The following DIAPH1 variants were observed in gnomAD, a reference collection of about 807,000 sequenced individuals.
The protein encoded by DIAPH1 is diaphanous related formin 1, also known as protein diaphanous homolog 1.
DIAPH1 carries 46 observed loss-of-function variants against 140.7 expected under a neutral mutation model. The observed-to-expected ratio is 0.33, with a 90% confidence interval of 0.26 to 0.42. DIAPH1 has a LOEUF of 0.42. Ranked by LOEUF, DIAPH1 falls within the 10% of genes least tolerant of loss-of-function variation. The pLI is 1.00. For missense variants in DIAPH1, 1,310 were observed against 1,558.7 expected (o/e 0.84, Z 2.69); for synonymous variants, 565 against 551.6 (o/e 1.02, Z -0.34).
At chr5:141,618,128 A>G (rs903574133) in intron 1 of DIAPH1, among the ~76,000 whole-genome samples, 2 of 152,234 alleles carry the variant, frequency 1.3e-5, no homozygotes, top group Non-Finnish European at 2.9e-5. Flanking sequence ...GGTTCTCTGG[A>G]GAGAGGAATA....
rs898548601 is a variant in DIAPH1, at chr5:141,522,555, T to C, written c.3661+1588A>G. Among the ~76,000 whole-genome samples the C allele has an allele frequency of 1.2e-4, 16 of 135,046 alleles. No individual in the cohort carries two copies. In the Admixed American group the frequency reaches 1.2e-3, roughly 11 times the overall value. 88.6% of individuals were successfully genotyped at this position (135,046 alleles called of 152,430 possible). A position where few individuals can be genotyped will look rare whatever the true frequency, so the allele number is the denominator to read the frequency against. Reference sequence around the variant, plus strand: ...AGGGAATTCCCCACCAAAATTCTGATGCAGGCACTTAGCCGACGGGGTCAA... The same window carrying C: ...AGGGAATTCCCCACCAAAATTCTGACGCAGGCACTTAGCCGACGGGGTCAA... On this transcript the variant is annotated intron_variant, in intron 27 of 27. Transcript: ENST00000389054.
At chr5:141,558,905 T>C (rs2099893079) in intron 18 of DIAPH1, among the ~76,000 whole-genome samples, 1 of 93,818 alleles carries the variant, frequency 1.1e-5, no homozygotes, top group African/African-American at 4.5e-5. Context: ...TGCACAAAAA[T>C]CACAAGTTGT....
intron 1 of DIAPH1, 117 bp downstream of exon 1, chr5:141,618,681 A>G: frequency 3.0e-6 from 2 of 664,660 alleles, no homozygotes; most frequent in South Asian, 3.5e-5. Flanking sequence ...GAGCGAAACG[A>G]GGAAGGAAGG....
chr5:141,604,579 C>G (rs2099900643), intron 1 of DIAPH1, among the ~76,000 whole-genome samples: 1 of 152,138 alleles, frequency 6.6e-6, no homozygotes, highest in South Asian at 2.1e-4. Flanking sequence ...TGTGACACAC[C>G]CAAAGCCTAG....
intron 1 of DIAPH1, among the ~76,000 whole-genome samples, chr5:141,596,072 G>A (rs1415794292): frequency 6.6e-6 from 1 of 152,174 alleles, no homozygotes; most frequent in Non-Finnish European, 1.5e-5. Flanking sequence ...GCTCACGCCT[G>A]TAATCCCAGC....
intron 23 of DIAPH1, 134 bp downstream of exon 23, chr5:141,528,319 G>T: frequency 7.9e-7 from 1 of 1,270,918 alleles, no homozygotes; most frequent in Non-Finnish European, 1.1e-6. Flanking sequence ...TGTGACTTAG[G>T]CACCATGCCT....
intron 19 of DIAPH1, among the ~76,000 whole-genome samples, chr5:141,530,540 C>T (rs761782694): frequency 7.9e-5 from 12 of 152,182 alleles, no homozygotes; most frequent in Non-Finnish European, 1.2e-4. Context: ...GGGGCCTCCG[C>T]GCTGTTAGCA....
At chr5:141,561,503 T>G (rs2099893530) in intron 18 of DIAPH1, among the ~76,000 whole-genome samples, 1 of 149,750 alleles carries the variant, frequency 6.7e-6, no homozygotes, top group South Asian at 2.1e-4. Flanking sequence ...CAAGTACTTC[T>G]AGAAATCTAG....
rs2099896397 is a variant in DIAPH1 at position 141,579,273 on chromosome 5, G to C, written c.825-77C>G. On this transcript the variant is annotated intron_variant, in intron 8 of 27. Coordinates refer to ENST00000389054, the MANE Select transcript of DIAPH1 (RefSeq NM_005219.5). Reference sequence around the variant, plus strand: ...CACGTATAATGAGTAAATTACACAGGGGCACAGACCGATTAGGAAACAGGA... The same window carrying C: ...CACGTATAATGAGTAAATTACACAGCGGCACAGACCGATTAGGAAACAGGA... 3 of 1,029,484 alleles carry C rather than the reference G, an allele frequency of 2.9e-6. No homozygotes were observed. The African/African-American group carries it at 4.7e-5, about 16-fold the overall frequency. 63.8% of individuals were successfully genotyped at this position (1,029,484 alleles called of 1,614,324 possible). A position where few individuals can be genotyped will look rare whatever the true frequency, so the allele number is the denominator to read the frequency against.
chr5:141,610,799 G>C (rs1298356324), intron 1 of DIAPH1, among the ~76,000 whole-genome samples: 1 of 151,856 alleles, frequency 6.6e-6, no homozygotes, highest in East Asian at 1.9e-4. Flanking sequence ...AATTAGGCCA[G>C]GTGCAGTGAC....
In DIAPH1 at chr5:141,524,150, G is replaced by C. The variant is rs1394615287; in HGVS notation, c.3654C>G (p.Pro1218=). ...SGAAFRRKRG[P]RQANRKAGCA... is the part of the protein sequence containing the mutation. ...CTCCATGTGCTTACTTACCTTGACG[G>C]GGCCCTCTCTTCCGTCGGAATGCTG... The change falls in exon 27 of 28, where the codon CCC becomes CCG. Residue 1218 remains proline (P), a synonymous_variant. Transcript: ENST00000389054. 1 of 1,614,026 alleles carries C rather than the reference G, an allele frequency of 6.2e-7. No homozygotes were observed. The highest frequency in any genetic ancestry group is 1.7e-5 in the Admixed American group (1 of 60,022).
At chr5:141,613,391 C>G (rs1342597955) in intron 1 of DIAPH1, among the ~76,000 whole-genome samples, 2 of 152,182 alleles carry the variant, frequency 1.3e-5, no homozygotes, top group African/African-American at 4.8e-5. Context: ...TCTCTTTCTA[C>G]TACTCCAGCC....
At chr5:141,525,621 G>C (rs761574343) in intron 26 of DIAPH1, among the ~76,000 whole-genome samples, 2 of 152,140 alleles carry the variant, frequency 1.3e-5, no homozygotes, top group Non-Finnish European at 2.9e-5. Context: ...AGTACTTTGT[G>C]AAATAAGCAG....
intron 1 of DIAPH1, among the ~76,000 whole-genome samples, chr5:141,610,516 G>C (rs1052153832): frequency 1.3e-5 from 2 of 152,016 alleles, no homozygotes; most frequent in African/African-American, 4.8e-5. Context: ...GGCCAGGATG[G>C]TCTCGATCTC....
chr5:141,582,167 G>T, intron 7 of DIAPH1, 145 bp downstream of exon 7: 3 of 557,430 alleles, frequency 5.4e-6, no homozygotes, highest in East Asian at 4.0e-5. Flanking sequence ...GCATGTATAT[G>T]TGGCAATGAA....
intron 18 of DIAPH1, among the ~76,000 whole-genome samples, chr5:141,553,391 G>A (rs2099892052): frequency 6.6e-6 from 1 of 152,144 alleles, no homozygotes; most frequent in Non-Finnish European, 1.5e-5. Context: ...TGTAATCCCA[G>A]CACTTTGGGA....
At chr5:141,547,218 C>T (rs116034110) in intron 18 of DIAPH1, among the ~76,000 whole-genome samples, 2,062 of 152,338 alleles carry the variant, frequency 0.014, 50 homozygotes, top group African/African-American at 0.047. Flanking sequence ...GGTAATCCCG[C>T]ACTTTGGGAG....
At chr5:141,602,239 C>T (rs1288862316) in intron 1 of DIAPH1, among the ~76,000 whole-genome samples, 3 of 151,844 alleles carry the variant, frequency 2.0e-5, no homozygotes, top group African/African-American at 4.8e-5. Flanking sequence ...TTTTTTGAGA[C>T]GAAGTCTCAC....
chr5:141,573,452 A>AG (rs1562319765), intron 16 of DIAPH1, 40 bp downstream of exon 16: 4 of 1,597,442 alleles, frequency 2.5e-6, no homozygotes, highest in Non-Finnish European at 3.4e-6. Context: ...AAAAAAAAAA[A>AG]AAAAGATTGA....
Sources: allele counts gnomAD v4.1 joint callset (sites outside exome capture counted in the v4.1 genomes callset), GRCh38; gene constraint gnomAD v4.1.1; transcripts MANE v1.5; gene names NCBI Gene and HGNC (gene_info 2026-07-23, HGNC 2026-07-21).